Variants in CLSTN2 observed in about 807,000 individuals in gnomAD.
The protein encoded by CLSTN2 is calsyntenin-2.
CLSTN2 carries 48 observed loss-of-function variants against 101.2 expected under a neutral mutation model. The ratio of observed to expected loss-of-function variants is 0.47; its 90% CI spans 0.38 to 0.60. The LOEUF (loss-of-function observed/expected upper bound fraction) is 0.60, where lower values mean the gene tolerates loss of function less well. Ranked by LOEUF, CLSTN2 falls within the 20% of genes least tolerant of loss-of-function variation. The pLI is 0.00. For synonymous variants in CLSTN2, 481 were observed against 463.6 expected (o/e 1.04, Z -0.48); for missense variants, 1,160 against 1,238.2 (o/e 0.94, Z 0.95).
chr3:140,158,513 G>C (rs1172117078), intron 1 of CLSTN2, among the ~76,000 whole-genome samples: 5 of 152,072 alleles, frequency 3.3e-5, no homozygotes, highest in Admixed American at 3.3e-4. Context: ...TCTCTAGAAG[G>C]AGAACTAAAA....
rs141315485 is a variant in CLSTN2, at chr3:140,406,879, T to C, written c.637+2113T>C. Among the ~76,000 whole-genome samples the C allele has an allele frequency of 2.0e-4, 30 of 152,374 alleles. No individual in the cohort carries two copies. The East Asian group carries it at 5.6e-3, about 28-fold the overall frequency. On this transcript the variant is annotated intron_variant, in intron 4 of 16. Transcript: ENST00000458420. ...AGTGAGATGAGATGCAAAGTCTTTCTTTGGAGGGTAAACTGCCCCAGTCAT... is the reference window on the plus strand; with the variant it reads ...AGTGAGATGAGATGCAAAGTCTTTCCTTGGAGGGTAAACTGCCCCAGTCAT...
intron 8 of CLSTN2, among the ~76,000 whole-genome samples, chr3:140,521,151 C>G (rs1178688247): frequency 8.8e-6 from 1 of 113,240 alleles, no homozygotes; most frequent in African/African-American, 3.7e-5. Flanking sequence ...TCCAGCCAAG[C>G]CTCAACTCAG....
At chr3:140,526,286 C>A (rs1231235824) in intron 8 of CLSTN2, among the ~76,000 whole-genome samples, 2 of 151,938 alleles carry the variant, frequency 1.3e-5, no homozygotes, top group African/African-American at 4.8e-5. Flanking sequence ...TAGCTGAGAA[C>A]CAAATCAGGA....
In CLSTN2 at chr3:140,562,887, G is replaced by T. The variant is rs1935947991; in HGVS notation, c.2289G>T (p.Glu763Asp). 6.2e-7 allele frequency: 1 copy of T among 1,614,024 alleles called. No individual in the cohort carries two copies. The change falls in exon 14 of 17, where the codon GAG becomes GAT. Residue 763 changes from glutamate to aspartate, a missense_variant. Glu to Asp is a conservative substitution (Grantham distance 45). Coordinates refer to ENST00000458420, the MANE Select transcript of CLSTN2 (RefSeq NM_022131.3). ...GCAACTGGCGTCCGGCTTCCCTTGA[G>T]GCCCGGCGTTTCCGGATTAAGTGCT... Reference protein sequence around the residue: ...RYRNWRPASLEARRFRIKCSE... With the variant: ...RYRNWRPASLDARRFRIKCSE...
At chr3:140,151,811 C>T (rs1439859406) in intron 1 of CLSTN2, among the ~76,000 whole-genome samples, 2 of 152,220 alleles carry the variant, frequency 1.3e-5, no homozygotes, top group African/African-American at 4.8e-5. Context: ...CCCCACTTGT[C>T]CCAAGACAAT....
At chr3:140,140,673 A>C (rs2009682732) in intron 1 of CLSTN2, among the ~76,000 whole-genome samples, 1 of 152,372 alleles carries the variant, frequency 6.6e-6, no homozygotes, top group South Asian at 2.1e-4. Context: ...AACTGTCTCC[A>C]TCTCAGGAAG....
At chr3:140,483,280 T>C (rs902370749) in intron 8 of CLSTN2, among the ~76,000 whole-genome samples, 2 of 152,236 alleles carry the variant, frequency 1.3e-5, no homozygotes, top group Non-Finnish European at 2.9e-5. Flanking sequence ...TCCTGAGTTC[T>C]AGTTTGATTG....
intron 5 of CLSTN2, among the ~76,000 whole-genome samples, chr3:140,444,522 C>T (rs527348504): frequency 6.6e-6 from 1 of 152,228 alleles, no homozygotes; most frequent in East Asian, 1.9e-4. Flanking sequence ...CACTCCCCCA[C>T]TGGGTCCCTG....
chr3:140,509,690 A>G (rs1934770267), intron 8 of CLSTN2, among the ~76,000 whole-genome samples: 1 of 152,144 alleles, frequency 6.6e-6, no homozygotes, highest in African/African-American at 2.4e-5. Context: ...CCATTCCTCC[A>G]GGCTCCTGCA....
chr3:140,031,706 C>T (rs964090019), intron 1 of CLSTN2, among the ~76,000 whole-genome samples: 1 of 152,126 alleles, frequency 6.6e-6, no homozygotes, highest in Non-Finnish European at 1.5e-5. Flanking sequence ...CAATCTGATG[C>T]GATGGAGAAG....
At chr3:140,408,724 C>T (rs1370092914) in intron 4 of CLSTN2, among the ~76,000 whole-genome samples, 1 of 152,194 alleles carries the variant, frequency 6.6e-6, no homozygotes, top group Non-Finnish European at 1.5e-5. Flanking sequence ...ACACCCCAAC[C>T]CAGGAACCCA....
chr3:140,014,142 C>T (rs538600213), intron 1 of CLSTN2, among the ~76,000 whole-genome samples: 40 of 152,300 alleles, frequency 2.6e-4, no homozygotes, highest in African/African-American at 8.9e-4. Flanking sequence ...GTCAGTGTTG[C>T]CCTTTGGGGA....
intron 1 of CLSTN2, among the ~76,000 whole-genome samples, chr3:140,130,991 C>G (rs1464744514): frequency 6.6e-6 from 1 of 152,074 alleles, no homozygotes; most frequent in African/African-American, 2.4e-5. Flanking sequence ...CTTTCAATAA[C>G]AGCGCCAGGA....
rs533682448 is a variant in CLSTN2 at position 140,557,460 on chromosome 3, G to A, written c.1823+799G>A. On this transcript the variant is annotated intron_variant, in intron 11 of 16. Transcript: ENST00000458420. ...CTTACAGGCTTAGGGGTAGGAAACA[G>A]GTACCTCCAGGTCGTTGCCACATTA... is the stretch of plus-strand genomic sequence containing the variant. Among the ~76,000 whole-genome samples, 8 of 152,344 alleles carry A rather than the reference G, an allele frequency of 5.3e-5. No individual in the cohort carries two copies. The South Asian group carries it at 1.4e-3, about 28-fold the overall frequency.
At chr3:140,247,471 T>A (rs769721196) in intron 2 of CLSTN2, among the ~76,000 whole-genome samples, 1 of 152,206 alleles carries the variant, frequency 6.6e-6, no homozygotes, top group African/African-American at 2.4e-5. Flanking sequence ...TGAAGCCACT[T>A]TTATTTGATG....
At chr3:140,142,317 C>G (rs1318762638) in intron 1 of CLSTN2, among the ~76,000 whole-genome samples, 1 of 152,150 alleles carries the variant, frequency 6.6e-6, no homozygotes. Flanking sequence ...GAGGAAGCAT[C>G]TGAGTGCAGA....
rs377064162 is a variant in CLSTN2 at position 140,448,665 on chromosome 3, C to T, written c.934C>T (p.Arg312Trp). 1.7e-5 allele frequency: 27 copies of T among 1,613,790 alleles called. No homozygotes were observed. The highest frequency in any genetic ancestry group is 1.7e-4 in the Admixed American group (10 of 59,982). ...QTNYIGKGCD[R>W]ETYSEKSLQK... Reference sequence around the variant, plus strand: ...TAATTACATTGGGAAGGGTTGTGACCGGGAGACCTACTCTGAGAAATCCCT... The same window carrying T: ...TAATTACATTGGGAAGGGTTGTGACTGGGAGACCTACTCTGAGAAATCCCT... Residue 312 changes from arginine (R) to tryptophan (W), a missense_variant, in exon 6 of 17, where the codon CGG (arginine) becomes TGG (tryptophan). By Grantham distance (101) the Arg-to-Trp change is moderately radical. Coordinates refer to ENST00000458420, the MANE Select transcript of CLSTN2 (RefSeq NM_022131.3).
intron 1 of CLSTN2, among the ~76,000 whole-genome samples, chr3:140,154,656 T>G (rs796915963): frequency 0.022 from 3,241 of 144,868 alleles, 154 homozygotes; most frequent in African/African-American, 0.079. Context: ...TTTTTTTTTT[T>G]TTTTTTGAGA....
At chr3:140,033,091 C>T (rs16849722) in intron 1 of CLSTN2, among the ~76,000 whole-genome samples, 5,659 of 152,234 alleles carry the variant, frequency 0.037, 344 homozygotes, top group African/African-American at 0.12. Flanking sequence ...TAATGATACT[C>T]GCTTCATAGA....
Sources: allele counts gnomAD v4.1 joint callset (sites outside exome capture counted in the v4.1 genomes callset), GRCh38; gene constraint gnomAD v4.1.1; transcripts MANE v1.5; gene names NCBI Gene and HGNC (gene_info 2026-07-23, HGNC 2026-07-21).